The following PGM2L1 variants were observed in gnomAD, a reference collection of about 807,000 sequenced individuals.
The protein encoded by PGM2L1 is glucose 1,6-bisphosphate synthase.
A neutral mutation model predicts 73.4 loss-of-function variants in PGM2L1; 35 were observed. The ratio of observed to expected loss-of-function variants is 0.48; its 90% CI spans 0.36 to 0.63. The LOEUF (loss-of-function observed/expected upper bound fraction) is 0.63, where lower values mean the gene tolerates loss of function less well. Ranked by LOEUF, PGM2L1 falls within the 30% of genes least tolerant of loss-of-function variation. PGM2L1 has a pLI of 0.00. For missense variants in PGM2L1, 570 were observed against 742.0 expected (o/e 0.77, Z 2.69); for synonymous variants, 225 against 253.8 (o/e 0.89, Z 1.08).
chr11:74,376,544 T>C (rs1862856598), intron 1 of PGM2L1, among the ~76,000 whole-genome samples: 1 of 151,098 alleles, frequency 6.6e-6, no homozygotes, highest in Admixed American at 6.6e-5. Context: ...ATATATGTAG[T>C]ATGTATATAT....
Position 74,398,215 on chromosome 11 carries a change from G to A in PGM2L1, c.-54C>T. On this transcript the variant is annotated 5_prime_UTR_variant, in exon 1 of 14. Coordinates refer to ENST00000298198, the MANE Select transcript of PGM2L1 (RefSeq NM_173582.6). ...GCCGGCGAAGACACTGAGTTGGGGT[G>A]GGGGGTGGCTTGGGGTTCGCTCACC... 1.3e-6 allele frequency: 2 copies of A among 1,552,936 alleles called. No homozygotes were observed. Among genetic ancestry groups the A allele is most frequent in the Non-Finnish European group, 1.7e-6 (2 of 1,148,330 alleles).
Position 74,398,387 on chromosome 11 carries a change from C to A in PGM2L1, c.-226G>T, listed in dbSNP as rs758619305. On this transcript the variant is annotated 5_prime_UTR_variant, in exon 1 of 14. Transcript: ENST00000298198. ...AGCGGACCAGGTCCGGGTCTCTGGG[C>A]GAAGTGACTGAGGCGGTCGCGCCGC... is the stretch of plus-strand genomic sequence containing the variant. 5.3e-6 allele frequency: 3 copies of A among 566,380 alleles called. No homozygotes were observed. Among genetic ancestry groups the A allele is most frequent in the Non-Finnish European group, 5.4e-6 (2 of 367,550 alleles). 35.1% of individuals were successfully genotyped at this position (566,380 alleles called of 1,614,324 possible).
rs56760165 is a variant in PGM2L1, at chr11:74,351,340, C to T, written c.749+43G>A. ...ACTTTTTATTCTCCTCATTCTTTAA[C>T]GTTATTCTGAAGTAGTATTATCTGA... On this transcript the variant is annotated intron_variant, in intron 6 of 13. Coordinates refer to ENST00000298198, the MANE Select transcript of PGM2L1 (RefSeq NM_173582.6). 2.7e-3 allele frequency: 4,145 copies of T among 1,519,414 alleles called. 75 individuals are homozygous for T. In the African/African-American group the frequency reaches 0.042, roughly 16 times the overall value. The allele number at this position is 1,519,414 out of a possible 1,614,324, so 94.1% of individuals were successfully genotyped here.
intron 13 of PGM2L1, among the ~76,000 whole-genome samples, chr11:74,337,838 C>G (rs1248681812): frequency 6.6e-6 from 1 of 152,128 alleles, no homozygotes; most frequent in Non-Finnish European, 1.5e-5. Context: ...AAAAAATGGT[C>G]TGGCAGTTCC....
At chr11:74,341,552 C>A (rs1369276049) in intron 12 of PGM2L1, among the ~76,000 whole-genome samples, 2 of 151,876 alleles carry the variant, frequency 1.3e-5, no homozygotes, top group African/African-American at 4.8e-5. Flanking sequence ...ATTAGTCAGG[C>A]GTGGTGACAT....
intron 1 of PGM2L1, among the ~76,000 whole-genome samples, chr11:74,383,957 G>T (rs1591190356): frequency 6.6e-6 from 1 of 151,374 alleles, no homozygotes; most frequent in Admixed American, 6.6e-5. Context: ...ATAATAGAAT[G>T]ATTTATATTC....
At position 74,361,288 on chromosome 11, in the gene PGM2L1, G is replaced by T. The variant is rs192622934; in HGVS notation, c.555+7204C>A. Among the ~76,000 whole-genome samples, 1,131 of 152,258 alleles carry T rather than the reference G, an allele frequency of 7.4e-3. 34 individuals are homozygous for T. Among genetic ancestry groups the T allele is most frequent in the East Asian group, 0.049 (254 of 5,182 alleles). On this transcript the variant is annotated intron_variant, in intron 5 of 13. Coordinates refer to ENST00000298198, the MANE Select transcript of PGM2L1 (RefSeq NM_173582.6). ...CCACTGCTGATACCCAGGCAAACAG[G>T]GTCTGGAGTGGACCTCCAGCAAACT... is the stretch of plus-strand genomic sequence containing the variant.
chr11:74,387,692 T>C (rs1347942000), intron 1 of PGM2L1, among the ~76,000 whole-genome samples: 4 of 152,204 alleles, frequency 2.6e-5, no homozygotes, highest in Non-Finnish European at 5.9e-5. Flanking sequence ...ATTCTACCTC[T>C]TACAAAAAAT....
At chr11:74,366,804 T>C (rs1252483071) in intron 5 of PGM2L1, among the ~76,000 whole-genome samples, 1 of 152,090 alleles carries the variant, frequency 6.6e-6, no homozygotes, top group Non-Finnish European at 1.5e-5. Flanking sequence ...TGCAGACTTA[T>C]AAGCTCCAAG....
chr11:74,368,908 T>C (rs1317640548), intron 4 of PGM2L1, among the ~76,000 whole-genome samples: 1 of 152,198 alleles, frequency 6.6e-6, no homozygotes, highest in Non-Finnish European at 1.5e-5. Context: ...ATTTTTGCTA[T>C]GTATTATTTT....
At chr11:74,377,282 C>G (rs11236081) in intron 1 of PGM2L1, among the ~76,000 whole-genome samples, 1 of 151,700 alleles carries the variant, frequency 6.6e-6, no homozygotes, top group Non-Finnish European at 1.5e-5. Flanking sequence ...TACAGGCGCC[C>G]GCCACCACGC....
intron 1 of PGM2L1, among the ~76,000 whole-genome samples, chr11:74,390,550 A>G (rs1863085499): frequency 6.6e-6 from 1 of 152,202 alleles, no homozygotes; most frequent in Non-Finnish European, 1.5e-5. Flanking sequence ...AAGTATAAAG[A>G]TTTTTGGGTC....
chr11:74,389,929 C>T (rs1428102727), intron 1 of PGM2L1, among the ~76,000 whole-genome samples: 5 of 101,692 alleles, frequency 4.9e-5, no homozygotes, highest in African/African-American at 1.6e-4. Flanking sequence ...TGGTGAAACC[C>T]CGTCCCTACT....
chr11:74,351,314 C>A, intron 6 of PGM2L1, 69 bp downstream of exon 6: 1 of 1,395,858 alleles, frequency 7.2e-7, no homozygotes. Flanking sequence ...CACTTTTTAT[C>A]ACTTTTTATT....
At chr11:74,383,824 A>AATATATATATATATATATAT (rs377358856) in intron 1 of PGM2L1, among the ~76,000 whole-genome samples, 1,335 of 121,660 alleles carry the variant, frequency 0.011, 28 homozygotes, top group Non-Finnish European at 0.015. Context: ...TATATAAATA[A>AATATATATATATATATATAT]ATATATATAT....
intron 13 of PGM2L1, among the ~76,000 whole-genome samples, chr11:74,337,216 C>T (rs969115708): frequency 9.2e-5 from 14 of 152,124 alleles, no homozygotes; most frequent in Non-Finnish European, 1.6e-4. Flanking sequence ...AAAAGAAGGC[C>T]CTTGAAAGTC....
chr11:74,376,531 T>C (rs1324910331), intron 1 of PGM2L1, among the ~76,000 whole-genome samples: 1 of 151,018 alleles, frequency 6.6e-6, no homozygotes, highest in Non-Finnish European at 1.5e-5. Flanking sequence ...TATGTATATA[T>C]GTATATATGT....
intron 1 of PGM2L1, among the ~76,000 whole-genome samples, chr11:74,385,366 T>G (rs1454186531): frequency 6.6e-6 from 1 of 152,218 alleles, no homozygotes; most frequent in Non-Finnish European, 1.5e-5. Flanking sequence ...ATGTTACATA[T>G]TCTCATATAT....
intron 1 of PGM2L1, among the ~76,000 whole-genome samples, chr11:74,376,974 T>C (rs1862863405): frequency 6.6e-6 from 1 of 152,124 alleles, no homozygotes; most frequent in Non-Finnish European, 1.5e-5. Flanking sequence ...TTTAAAAATA[T>C]AACCTAAAAA....
Sources: gnomAD v4.1 joint callset for allele counts (sites outside exome capture counted in the v4.1 genomes callset) on GRCh38, gnomAD v4.1.1 for gene constraint, MANE v1.5 for transcripts, NCBI Gene and HGNC (gene_info 2026-07-23, HGNC 2026-07-21) for gene names.